Variants in NCKAP1 observed in about 807,000 individuals in gnomAD.
NCKAP1 encodes NCK associated protein 1, also known as nck-associated protein 1.
A neutral mutation model predicts 151.2 loss-of-function variants in NCKAP1; 21 were observed. The observed-to-expected ratio is 0.14, with a 90% confidence interval of 0.10 to 0.20. The LOEUF is 0.20. Among genes scored for constraint, NCKAP1 ranks in the 10% least tolerant of loss-of-function variants. The pLI, the probability that NCKAP1 is intolerant of heterozygous loss-of-function variation, is 1.00. For missense variants in NCKAP1, 933 were observed against 1,352.1 expected, an observed-to-expected ratio of 0.69 and a Z score of 4.86; for synonymous variants, 484 against 451.8, an observed-to-expected ratio of 1.07 and a Z score of -0.90.
rs1438829238 is a variant in NCKAP1 at position 182,983,461 on chromosome 2, G to A, written c.1005-79C>T. 20 of 1,002,016 alleles carry A rather than the reference G, an allele frequency of 2.0e-5. No individual in the cohort carries two copies. In the East Asian group the frequency reaches 2.5e-4, roughly 13 times the overall value. The allele number at this position is 1,002,016 out of a possible 1,614,324, so 62.1% of individuals were successfully genotyped here. ...GCAATTAAAGTAACTAGCATTATAG[G>A]TGCAACTTCCAAAGTCTTTTTTTAG... On this transcript the variant is annotated intron_variant, in intron 10 of 30. Transcript: ENST00000361354.
At chr2:183,008,862 T>C (rs755232696) in intron 2 of NCKAP1, among the ~76,000 whole-genome samples, 7 of 152,254 alleles carry the variant, frequency 4.6e-5, no homozygotes, top group South Asian at 2.1e-4. Flanking sequence ...GTGGCAACCA[T>C]AGAGACTGAC....
intron 19 of NCKAP1, 41 bp from the exon 20 acceptor site, chr2:182,956,634 T>C (rs1264810044): frequency 1.9e-6 from 3 of 1,554,442 alleles, no homozygotes; most frequent in African/African-American, 2.8e-5. Context: ...TCACATGTCA[T>C]CACAGGCAAT....
intron 4 of NCKAP1, 72 bp from the exon 5 acceptor site, chr2:183,002,341 A>T: frequency 9.3e-7 from 1 of 1,072,378 alleles, no homozygotes; most frequent in Non-Finnish European, 1.3e-6. Flanking sequence ...AAATCTTCAT[A>T]GAAGCTATTG....
intron 23 of NCKAP1, among the ~76,000 whole-genome samples, chr2:182,950,502 A>C (rs1256005459): frequency 6.6e-6 from 1 of 152,198 alleles, no homozygotes; most frequent in African/African-American, 2.4e-5. Flanking sequence ...CAGCAGAATT[A>C]GTCTAATAAA....
intron 1 of NCKAP1, among the ~76,000 whole-genome samples, chr2:183,034,097 A>C (rs1699056478): frequency 6.6e-6 from 1 of 152,166 alleles, no homozygotes; most frequent in Non-Finnish European, 1.5e-5. Context: ...AAACAAATAC[A>C]ATACTGAAAG....
intron 15 of NCKAP1, among the ~76,000 whole-genome samples, chr2:182,972,685 T>C (rs1697725687): frequency 6.6e-6 from 1 of 152,134 alleles, no homozygotes; most frequent in African/African-American, 2.4e-5. Flanking sequence ...AATAGATAAA[T>C]GGTAAATATA....
chr2:182,914,980 G>A lies in NCKAP1; in HGVS notation c.*10722C>T, dbSNP rs1415234104. On this transcript the variant is annotated 3_prime_UTR_variant, in exon 31 of 31. Coordinates refer to ENST00000361354, the MANE Select transcript of NCKAP1 (RefSeq NM_013436.5). ...AGATGTGATCATTTAAGCTGGGAAT[G>A]CAGCCATACCGGGTGTCAGAGCATG... 1 of 152,212 alleles carries A rather than the reference G, an allele frequency of 6.6e-6. No individual in the cohort carries two copies. Among genetic ancestry groups the A allele is most frequent in the African/African-American group, 2.4e-5 (1 of 41,442 alleles). 9.4% of individuals were successfully genotyped at this position (152,212 alleles called of 1,614,324 possible).
intron 8 of NCKAP1, 53 bp from the exon 9 acceptor site, chr2:182,989,239 T>C (rs944681985): frequency 1.9e-4 from 273 of 1,453,550 alleles, no homozygotes; most frequent in Non-Finnish European, 2.0e-4. Flanking sequence ...TATTCCAAAG[T>C]TTGGTGACAG....
chr2:183,038,024 C>T lies in NCKAP1; in HGVS notation c.76G>A (p.Gly26Ser). ...ATGTTGTAGAGGCGGGTGAGCATGC[C>T]GACGCCCCGGTCGTTGAGGATGGTG... is the stretch of plus-strand genomic sequence containing the variant. ...KLTILNDRGV[G>S]MLTRLYNIKK... Residue 26 changes from glycine (G) to serine (S), a missense_variant, in exon 1 of 31, where the codon GGC (glycine) becomes AGC (serine). By Grantham distance (56) the Gly-to-Ser change is moderately conservative. Around this residue, in one of 2 missense-constraint regions of NCKAP1, gnomAD observed 607 missense variants for 795.0 expected, o/e 0.76. Transcript: ENST00000361354. The T allele has an allele frequency of 6.3e-7, 1 of 1,582,568 alleles. No homozygotes were observed. Among genetic ancestry groups the T allele is most frequent in the Non-Finnish European group, 8.5e-7 (1 of 1,171,614 alleles).
chr2:183,015,761 T>C (rs1186590864), intron 2 of NCKAP1, among the ~76,000 whole-genome samples: 2 of 148,628 alleles, frequency 1.3e-5, no homozygotes, highest in Non-Finnish European at 3.0e-5. Context: ...TCAACCAACA[T>C]ATAATAAATA....
Position 182,909,779 on chromosome 2 carries a change from T to C in NCKAP1, c.*15923A>G, listed in dbSNP as rs1042543758. ...TGTGCTCCATTTTGAATTTGATTTG[T>C]AGTTCTCAGAATAGAACAGGGAGCC... On this transcript the variant is annotated 3_prime_UTR_variant, in exon 31 of 31. Transcript: ENST00000361354. 1 of 152,242 alleles carries C rather than the reference T, an allele frequency of 6.6e-6. No homozygotes were observed. Among genetic ancestry groups the C allele is most frequent in the Admixed American group, 6.5e-5 (1 of 15,292 alleles). 9.4% of individuals were successfully genotyped at this position (152,242 alleles called of 1,614,324 possible). A position where few individuals can be genotyped will look rare whatever the true frequency, so the allele number is the denominator to read the frequency against.
Position 182,919,765 on chromosome 2 carries a change from C to A in NCKAP1, c.*5937G>T, listed in dbSNP as rs1696521590. 1 of 152,110 alleles carries A rather than the reference C, an allele frequency of 6.6e-6. No individual in the cohort carries two copies. Among genetic ancestry groups the A allele is most frequent in the Non-Finnish European group, 1.5e-5 (1 of 68,156 alleles). The allele number at this position is 152,110 out of a possible 1,614,324, so 9.4% of individuals were successfully genotyped here. On this transcript the variant is annotated 3_prime_UTR_variant, in exon 31 of 31. Transcript: ENST00000361354. The stretch of plus-strand genomic sequence containing the variant: ...CTCCTGGGTTCAAGCGATTCTCCCG[C>A]CTCAGCCTCCTGAGTAGCTGGGATT...
rs74578005 is a variant in NCKAP1, at chr2:182,962,039, T to C, written c.1881+120A>G. The C allele has an allele frequency of 1.4e-5, 14 of 1,033,390 alleles. No homozygotes were observed. In the East Asian group the frequency reaches 2.5e-4, roughly 18 times the overall value. The allele number at this position is 1,033,390 out of a possible 1,614,324, so 64.0% of individuals were successfully genotyped here. Reference sequence around the variant, plus strand: ...GTTAATGGAGTTTCACAGCAGAGGTTTGAGGTTTACTAATAGTGTGGGAAC... The same window carrying C: ...GTTAATGGAGTTTCACAGCAGAGGTCTGAGGTTTACTAATAGTGTGGGAAC... On this transcript the variant is annotated intron_variant, in intron 18 of 30. Transcript: ENST00000361354.
At chr2:182,992,398 C>T (rs972699862) in intron 8 of NCKAP1, among the ~76,000 whole-genome samples, 3 of 152,158 alleles carry the variant, frequency 2.0e-5, no homozygotes, top group Admixed American at 2.0e-4. Context: ...GCTTCCTGAT[C>T]GACTTACCGG....
chr2:182,934,482 T>C (rs1054511058), intron 26 of NCKAP1: 5 of 207,996 alleles, frequency 2.4e-5, no homozygotes, highest in African/African-American at 1.2e-4. Context: ...TCACCATGTA[T>C]AAACAGCTAT....
chr2:183,022,146 C>G (rs1698808567), intron 2 of NCKAP1, among the ~76,000 whole-genome samples: 1 of 152,084 alleles, frequency 6.6e-6, no homozygotes. Flanking sequence ...ACTTCTAATT[C>G]TAAGGAAAGA....
chr2:182,986,049 T>C lies in NCKAP1; in HGVS notation c.1004+122A>G, dbSNP rs945736097. The C allele has an allele frequency of 4.8e-6, 4 of 841,128 alleles. No individual in the cohort carries two copies. The African/African-American group carries it at 5.2e-5, about 11-fold the overall frequency. 52.1% of individuals were successfully genotyped at this position (841,128 alleles called of 1,614,324 possible). ...AATATACTTAATAATTCTCATTGAC[T>C]GAAAGTCCCCCTCTTCTACTACCAT... On this transcript the variant is annotated intron_variant, in intron 10 of 30. Transcript: ENST00000361354.
chr2:183,019,556 T>G (rs1030524465), intron 2 of NCKAP1, among the ~76,000 whole-genome samples: 1 of 152,114 alleles, frequency 6.6e-6, no homozygotes, highest in African/African-American at 2.4e-5. Context: ...AGAAACAAAT[T>G]TCATTTGAGA....
chr2:182,958,012 C>T (rs1371242814), intron 18 of NCKAP1, among the ~76,000 whole-genome samples: 2 of 152,150 alleles, frequency 1.3e-5, no homozygotes, highest in East Asian at 1.9e-4. Context: ...TGGAGCATAA[C>T]GTGTAAGGTA....
Sources: allele counts gnomAD v4.1 joint callset (sites outside exome capture counted in the v4.1 genomes callset), GRCh38; gene constraint gnomAD v4.1.1; regional missense constraint gnomAD v4.1.1; transcripts MANE v1.5; gene names NCBI Gene and HGNC (gene_info 2026-07-23, HGNC 2026-07-21).